Variants in OR2L13 observed in about 807,000 individuals in gnomAD.
OR2L13 encodes olfactory receptor family 2 subfamily L member 13, also known as olfactory receptor 2L13.
OR2L13 carries 14 observed loss-of-function variants against 15.3 expected under a neutral mutation model. The ratio of observed to expected loss-of-function variants is 0.91; its 90% CI spans 0.60 to 1.43. The LOEUF (loss-of-function observed/expected upper bound fraction) is 1.43. OR2L13 is among the 40% of genes most tolerant of loss of function. The pLI, the probability that OR2L13 is intolerant of heterozygous loss-of-function variation, is 0.00. For missense variants in OR2L13, 367 were observed against 387.9 expected, an observed-to-expected ratio of 0.95 and a Z score of 0.45; for synonymous variants, 152 against 142.9, an observed-to-expected ratio of 1.06 and a Z score of -0.45.
At chr1:248,073,751 TA>T in the OR2L13 span, among the ~76,000 whole-genome samples, 2 of 151,774 alleles carry the variant, frequency 1.3e-5, no homozygotes, top group Non-Finnish European at 2.9e-5. Flanking sequence ...AGTGCATGGT[TA>T]AAAAAATAAA....
the OR2L13 span, among the ~76,000 whole-genome samples, chr1:248,001,611 C>A: frequency 8.3e-4 from 126 of 151,854 alleles, no homozygotes; most frequent in African/African-American, 2.9e-3. Flanking sequence ...AATAAAATTT[C>A]TTATATTTTA....
upstream of OR2L13, among the ~76,000 whole-genome samples, chr1:248,094,718 C>A (rs1236604798): frequency 6.6e-6 from 1 of 152,092 alleles, no homozygotes; most frequent in Non-Finnish European, 1.5e-5. Flanking sequence ...AGTGTTTTAT[C>A]CTAGTATAAT....
At chr1:247,946,564 T>C in the OR2L13 span, among the ~76,000 whole-genome samples, 19 of 152,308 alleles carry the variant, frequency 1.2e-4, no homozygotes, top group Admixed American at 6.5e-4. Context: ...CATAACAAAC[T>C]CTTGCTGACC....
the OR2L13 span, among the ~76,000 whole-genome samples, chr1:247,963,668 T>A: frequency 6.6e-6 from 1 of 152,206 alleles, no homozygotes; most frequent in South Asian, 2.1e-4. Flanking sequence ...TATATGACAA[T>A]AACATAAGCA....
chr1:247,987,881 A>G, the OR2L13 span, among the ~76,000 whole-genome samples: 2 of 152,152 alleles, frequency 1.3e-5, no homozygotes, highest in Admixed American at 6.6e-5. Context: ...CTCATCTGAT[A>G]GAATCTATTG....
At chr1:247,965,270 G>A in the OR2L13 span, 1 of 1,331,094 alleles carries the variant, frequency 7.5e-7, no homozygotes, top group African/African-American at 1.5e-5. Context: ...ACATGTAAGT[G>A]AATATTTATT....
the OR2L13 span, among the ~76,000 whole-genome samples, chr1:247,983,520 T>A: frequency 6.6e-6 from 1 of 152,152 alleles, no homozygotes; most frequent in East Asian, 1.9e-4. Flanking sequence ...GCTATTTTGG[T>A]GGATAAAAAA....
the OR2L13 span, among the ~76,000 whole-genome samples, chr1:248,080,265 T>C: frequency 6.6e-6 from 1 of 152,140 alleles, no homozygotes; most frequent in Non-Finnish European, 1.5e-5. Flanking sequence ...TTCATTGCAT[T>C]AGGTATTTAT....
At chr1:248,057,997 T>C in the OR2L13 span, among the ~76,000 whole-genome samples, 1 of 152,216 alleles carries the variant, frequency 6.6e-6, no homozygotes. Context: ...GAACTTGCAG[T>C]AATGTGTTAA....
At chr1:248,059,821 A>C in the OR2L13 span, among the ~76,000 whole-genome samples, 5 of 152,146 alleles carry the variant, frequency 3.3e-5, no homozygotes, top group Non-Finnish European at 5.9e-5. Context: ...AGACAGGAGG[A>C]TTGGTGAGGC....
the OR2L13 span, among the ~76,000 whole-genome samples, chr1:247,954,737 G>C: frequency 3.3e-5 from 5 of 151,904 alleles, no homozygotes; most frequent in Admixed American, 3.3e-4. Flanking sequence ...AGATAAGGAG[G>C]ATAATCAGTG....
At chr1:248,097,563 G>A (rs994865531) in intron 1 of OR2L13, among the ~76,000 whole-genome samples, 1 of 152,028 alleles carries the variant, frequency 6.6e-6, no homozygotes, top group Non-Finnish European at 1.5e-5. Flanking sequence ...TCCATTTTTG[G>A]AAACAAAATC....
the OR2L13 span, chr1:247,966,249 C>A: frequency 6.2e-7 from 1 of 1,612,856 alleles, no homozygotes; most frequent in Admixed American, 1.7e-5. Context: ...TTATCTACAG[C>A]CTGAGAAATA....
the OR2L13 span, among the ~76,000 whole-genome samples, chr1:247,962,703 G>A: frequency 6.6e-6 from 1 of 152,094 alleles, no homozygotes; most frequent in Non-Finnish European, 1.5e-5. Flanking sequence ...TAGAAATATA[G>A]TTGCACTGTA....
At chr1:248,095,814 T>C (rs909643583), upstream of OR2L13, among the ~76,000 whole-genome samples, 7 of 150,178 alleles carry the variant, frequency 4.7e-5, no homozygotes, top group Admixed American at 3.3e-4. Flanking sequence ...ACCATATTGG[T>C]CAGGCTGGTC....
the OR2L13 span, chr1:247,965,518 C>G: frequency 1.2e-6 from 2 of 1,613,128 alleles, no homozygotes; most frequent in Non-Finnish European, 1.7e-6. Flanking sequence ...GCTGATCCAC[C>G]TCATTCGACT....
chr1:247,978,890 T>C, the OR2L13 span, among the ~76,000 whole-genome samples: 2 of 152,074 alleles, frequency 1.3e-5, no homozygotes, highest in African/African-American at 2.4e-5. Context: ...CCCCTGAAGA[T>C]GATTCTGTCC....
the OR2L13 span, among the ~76,000 whole-genome samples, chr1:247,956,776 A>C: frequency 1.3e-5 from 2 of 152,066 alleles, no homozygotes; most frequent in South Asian, 2.1e-4. Flanking sequence ...AATGCTTGTG[A>C]TTTTTGCACA....
chr1:248,082,656 T>C, the OR2L13 span, among the ~76,000 whole-genome samples: 1 of 152,190 alleles, frequency 6.6e-6, no homozygotes, highest in Non-Finnish European at 1.5e-5. Flanking sequence ...CTAGCTTGTG[T>C]CTTTATAAAT....
Sources: gnomAD v4.1 joint callset for allele counts (sites outside exome capture counted in the v4.1 genomes callset) on GRCh38, gnomAD v4.1.1 for gene constraint, MANE v1.5 for transcripts, NCBI Gene and HGNC (gene_info 2026-07-23, HGNC 2026-07-21) for gene names.